The following UHRF1 variants were observed in gnomAD, a reference collection of about 807,000 sequenced individuals.
UHRF1 encodes the protein E3 ubiquitin-protein ligase UHRF1.
Under a neutral mutation model 96.5 loss-of-function variants are expected in UHRF1, and 9 were observed. That is an observed-to-expected ratio of 0.09 (90% CI 0.06 to 0.16). The LOEUF (loss-of-function observed/expected upper bound fraction) is 0.16, where lower values mean the gene tolerates loss of function less well. Ranked by LOEUF, UHRF1 falls within the 10% of genes least tolerant of loss-of-function variation. UHRF1 has a pLI of 1.00. For synonymous variants in UHRF1, 455 were observed against 469.9 expected (o/e 0.97, Z 0.41); for missense variants, 626 against 1,131.1 (o/e 0.55, Z 6.40).
At chr19:4,921,601 A>G (rs1192473441) in intron 2 of UHRF1, among the ~76,000 whole-genome samples, 1 of 152,100 alleles carries the variant, frequency 6.6e-6, no homozygotes, top group African/African-American at 2.4e-5. Context: ...CAAAAAATAC[A>G]AAAAACTTTC....
At chr19:4,907,632 C>T (rs140092250), upstream of UHRF1, among the ~76,000 whole-genome samples, 3 of 145,632 alleles carry the variant, frequency 2.1e-5, no homozygotes, top group East Asian at 2.1e-4. Flanking sequence ...AGGGGCAGGG[C>T]GGGTTCTAGG....
intron 2 of UHRF1, among the ~76,000 whole-genome samples, chr19:4,922,938 GA>G (rs1396759154): frequency 6.6e-6 from 1 of 152,194 alleles, no homozygotes. Context: ...CGAAGTCATG[GA>G]GGGGCGACCC....
intron 11 of UHRF1, among the ~76,000 whole-genome samples, chr19:4,949,121 CAAAA>C (rs35300036): frequency 1.4e-5 from 2 of 138,630 alleles, no homozygotes; most frequent in African/African-American, 2.8e-5. Context: ...GGTGACAGAG[CAAAA>C]AAAAAAAAAG....
At chr19:4,917,792 G>GGACTACA (rs1353343462) in intron 2 of UHRF1, among the ~76,000 whole-genome samples, 1 of 151,744 alleles carries the variant, frequency 6.6e-6, no homozygotes, top group Admixed American at 6.6e-5. Flanking sequence ...TGAGTAGCTG[G>GGACTACA]GACTACAGGT....
At chr19:4,948,463 T>C (rs535196528) in intron 11 of UHRF1, among the ~76,000 whole-genome samples, 1 of 152,154 alleles carries the variant, frequency 6.6e-6, no homozygotes, top group Non-Finnish European at 1.5e-5. Context: ...CACATGATGA[T>C]AGTGTCTTTA....
Position 4,944,090 on chromosome 19 carries a change from C to T in UHRF1, c.1074-42C>T, listed in dbSNP as rs371517469. 105 of 1,608,990 alleles carry T rather than the reference C, an allele frequency of 6.5e-5. No homozygotes were observed. In the African/African-American group the frequency reaches 1.3e-3, roughly 19 times the overall value. On this transcript the variant is annotated intron_variant, in intron 7 of 16. Coordinates refer to ENST00000650932, the MANE Select transcript of UHRF1 (RefSeq NM_001048201.3). ...AGAGGGCACATGTTGGCTGAGACAT[C>T]TGCCAGGCTAGGCGTGGGCAGTGAC...
At chr19:4,942,418 C>G (rs1346069230) in intron 7 of UHRF1, among the ~76,000 whole-genome samples, 1 of 151,942 alleles carries the variant, frequency 6.6e-6, no homozygotes, top group Non-Finnish European at 1.5e-5. Context: ...TCTTGATCCC[C>G]TGACCTCGTG....
chr19:4,956,650 T>C lies in UHRF1; in HGVS notation c.2131-59T>C, dbSNP rs560281049. 161 of 1,086,088 alleles carry C rather than the reference T, an allele frequency of 1.5e-4. 1 individual carries two copies. Among genetic ancestry groups the C allele is most frequent in the Admixed American group, 7.6e-4 (39 of 51,102 alleles). The allele number at this position is 1,086,088 out of a possible 1,614,324, so 67.3% of individuals were successfully genotyped here. A position where few individuals can be genotyped will look rare whatever the true frequency, so the allele number is the denominator to read the frequency against. On this transcript the variant is annotated intron_variant, in intron 15 of 16. Coordinates refer to ENST00000650932, the MANE Select transcript of UHRF1 (RefSeq NM_001048201.3). ...AGGTACATGCTCAGCAGGAAGCCAC[T>C]GATCTGTGGGAGCCCTGGTCCCGGT...
chr19:4,928,122 G>A (rs994786652), intron 2 of UHRF1, among the ~76,000 whole-genome samples: 1 of 152,048 alleles, frequency 6.6e-6, no homozygotes, highest in African/African-American at 2.4e-5. Context: ...ACCCCATACC[G>A]TATGATGTCT....
In UHRF1 at chr19:4,930,916, C is replaced by T; in HGVS notation, c.569+40C>T. 2.5e-6 allele frequency: 4 copies of T among 1,609,026 alleles called. No homozygotes were observed. Among genetic ancestry groups the T allele is most frequent in the Non-Finnish European group, 1.7e-6 (2 of 1,176,730 alleles). ...GTGGGCGGGCCTGGGTATTCAGGCT[C>T]TGTGACGCGCATCCTTGGCTGCGGG... On this transcript the variant is annotated intron_variant, in intron 4 of 16. Transcript: ENST00000650932. The surrounding 1 kb of genome is among the most constrained non-coding windows in gnomAD (Gnocchi z 4.4).
At chr19:4,955,588 C>T (rs1276910364) in intron 15 of UHRF1, among the ~76,000 whole-genome samples, 1 of 152,104 alleles carries the variant, frequency 6.6e-6, no homozygotes, top group Non-Finnish European at 1.5e-5. Flanking sequence ...AGTGGTCCCT[C>T]TCTTCCCATT....
Position 4,930,523 on chromosome 19 carries a change from C to G in UHRF1, c.409-193C>G, listed in dbSNP as rs866750987. On this transcript the variant is annotated intron_variant, in intron 3 of 16. Transcript: ENST00000650932. The surrounding 1 kb of genome is among the most constrained non-coding windows in gnomAD (Gnocchi z 4.4). ...GTTAAGACAGTCCATGCCCCCTGGC[C>G]CCGCATCCCCGTCACCCCTGCCGGG... Among the ~76,000 whole-genome samples the G allele has an allele frequency of 2.0e-5, 3 of 152,250 alleles. No individual in the cohort carries two copies. Among genetic ancestry groups the G allele is most frequent in the African/African-American group, 7.2e-5 (3 of 41,474 alleles).
chr19:4,937,748 A>G (rs562353729), intron 5 of UHRF1, among the ~76,000 whole-genome samples: 1 of 152,256 alleles, frequency 6.6e-6, no homozygotes, highest in African/African-American at 2.4e-5. Flanking sequence ...GTTGGTCAAT[A>G]CCAGCCTTAT....
chr19:4,941,743 AG>A lies in UHRF1; in HGVS notation c.888del. 6.5e-7 allele frequency: 1 copy of A among 1,544,854 alleles called. No individual in the cohort carries two copies. The highest frequency in any genetic ancestry group is 8.7e-7 in the Non-Finnish European group (1 of 1,144,276). ...GAGCTGACCCTGCCGCCCCGTGCCC[AG>A]GGAAGAGCGGGCCGTCCTGCAAGCA... On this transcript the variant is annotated splice_acceptor_variant, in intron 6 of 16. Coordinates refer to ENST00000650932, the MANE Select transcript of UHRF1 (RefSeq NM_001048201.3). LOFTEE classifies it high-confidence loss of function.
intron 7 of UHRF1, 27 bp from the exon 8 acceptor site, chr19:4,944,105 T>G: frequency 6.2e-7 from 1 of 1,612,380 alleles, no homozygotes; most frequent in South Asian, 1.1e-5. Flanking sequence ...AGGCTAGGCG[T>G]GGGCAGTGAC....
chr19:4,951,830 AC>A (rs2033725889), intron 13 of UHRF1, among the ~76,000 whole-genome samples: 1 of 152,136 alleles, frequency 6.6e-6, no homozygotes, highest in South Asian at 2.1e-4. Flanking sequence ...ACTGCCGAGA[AC>A]TTACTCAACA....
chr19:4,913,750 T>C (rs1011814869), intron 2 of UHRF1, among the ~76,000 whole-genome samples: 1 of 151,920 alleles, frequency 6.6e-6, no homozygotes, highest in African/African-American at 2.4e-5. Flanking sequence ...TGTTCCTGTG[T>C]AACCTTCATA....
At chr19:4,920,197 T>C (rs905480126) in intron 2 of UHRF1, among the ~76,000 whole-genome samples, 1 of 152,168 alleles carries the variant, frequency 6.6e-6, no homozygotes, top group African/African-American at 2.4e-5. Context: ...TTCGGGAGGC[T>C]GAGGCAGGCA....
rs182367728 is a variant in UHRF1 at position 4,958,603 on chromosome 19, G to T, written c.2235+1790G>T. On this transcript the variant is annotated intron_variant, in intron 16 of 16. Coordinates refer to ENST00000650932, the MANE Select transcript of UHRF1 (RefSeq NM_001048201.3). ...CCCCACAATCTGTCCTTGTTGCTCT[G>T]TTCCAACTTGGGAAGCTCAGCATCG... 1.9e-3 allele frequency among the ~76,000 whole-genome samples: 292 copies of T among 152,370 alleles called. 1 individual carries two copies. Among genetic ancestry groups the T allele is most frequent in the Non-Finnish European group, 3.1e-3 (213 of 68,032 alleles).
Sources: allele counts gnomAD v4.1 joint callset (sites outside exome capture counted in the v4.1 genomes callset), GRCh38; gene constraint gnomAD v4.1.1; non-coding constraint Gnocchi (gnomAD v3.1); transcripts MANE v1.5; gene names NCBI Gene and HGNC (gene_info 2026-07-23, HGNC 2026-07-21).